ATF7IP: variants seen among roughly 807,000 people sequenced by gnomAD.
The protein encoded by ATF7IP is activating transcription factor 7 interacting protein.
ATF7IP carries 23 observed loss-of-function variants against 106.4 expected under a neutral mutation model. That is an observed-to-expected ratio of 0.22 (90% CI 0.16 to 0.31). ATF7IP has a LOEUF of 0.31. ATF7IP is among the 10% of genes least tolerant of loss of function. The probability of loss-of-function intolerance (pLI) is 1.00; values close to 1 mark genes in which losing one functional copy is unlikely to be tolerated. For synonymous variants in ATF7IP, 542 were observed against 539.0 expected (o/e 1.01, Z -0.08); for missense variants, 1,334 against 1,524.3 (o/e 0.88, Z 2.08).
At chr12:14,441,227 T>A (rs966386756) in intron 5 of ATF7IP, among the ~76,000 whole-genome samples, 2 of 152,344 alleles carry the variant, frequency 1.3e-5, no homozygotes, top group East Asian at 1.9e-4. Context: ...CTCCACATCC[T>A]CACCAATACT....
At chr12:14,468,644 G>A (rs1943925557) in intron 10 of ATF7IP, among the ~76,000 whole-genome samples, 1 of 152,202 alleles carries the variant, frequency 6.6e-6, no homozygotes, top group Admixed American at 6.5e-5. Context: ...CGTACAAGCA[G>A]TTTGAGCAGC....
chr12:14,436,109 A>G lies in ATF7IP; in HGVS notation c.1649A>G (p.Glu550Gly), dbSNP rs780294806. The change falls in exon 4 of 15, where the codon GAA becomes GGA. Residue 550 changes from glutamate to glycine, a missense_variant. By Grantham distance (98) the Glu-to-Gly change is moderately conservative. Coordinates refer to ENST00000261168, the MANE Select transcript of ATF7IP (RefSeq NM_018179.5). ...TCATTGTGGTTTTCCTTCTCAGATGAATTTTCTAGACGAAAACGTTCTAAA... is the reference window on the plus strand; with the variant it reads ...TCATTGTGGTTTTCCTTCTCAGATGGATTTTCTAGACGAAAACGTTCTAAA... ...EDDERPSEKN[E>G]FSRRKRSKSE... 1.2e-6 allele frequency: 2 copies of G among 1,612,594 alleles called. No homozygotes were observed. Among genetic ancestry groups the G allele is most frequent in the Non-Finnish European group, 1.7e-6 (2 of 1,179,268 alleles).
chr12:14,476,566 G>C (rs1032545317), intron 11 of ATF7IP: 1 of 151,944 alleles, frequency 6.6e-6, no homozygotes, highest in Non-Finnish European at 1.5e-5. Context: ...AAAAAATCCT[G>C]TAATACTCAT....
intron 1 of ATF7IP, among the ~76,000 whole-genome samples, chr12:14,400,034 T>C (rs904323081): frequency 1.3e-5 from 2 of 151,812 alleles, no homozygotes; most frequent in African/African-American, 4.8e-5. Context: ...CAAATGTGAC[T>C]GCTGCCCTGG....
At chr12:14,370,841 T>G (rs1269671501) in intron 1 of ATF7IP, among the ~76,000 whole-genome samples, 1 of 152,024 alleles carries the variant, frequency 6.6e-6, no homozygotes, top group East Asian at 1.9e-4. Context: ...GAAAAATAAG[T>G]CGCAAAATAA....
intron 9 of ATF7IP, among the ~76,000 whole-genome samples, chr12:14,463,833 A>G (rs574607192): frequency 6.6e-6 from 1 of 152,312 alleles, no homozygotes; most frequent in East Asian, 1.9e-4. Flanking sequence ...GTAATTAATA[A>G]AAGTTCAGAT....
chr12:14,479,910 TATA>T (rs1262490297), intron 12 of ATF7IP, among the ~76,000 whole-genome samples: 1 of 152,172 alleles, frequency 6.6e-6, no homozygotes, highest in African/African-American at 2.4e-5. Flanking sequence ...TATACAAAGT[TATA>T]ATGACAGTCA....
intron 1 of ATF7IP, among the ~76,000 whole-genome samples, chr12:14,389,658 G>A (rs995797147): frequency 2.6e-5 from 4 of 151,938 alleles, no homozygotes; most frequent in Admixed American, 6.6e-5. Context: ...ACGGAGTTTC[G>A]CTCTTGTTGC....
intron 6 of ATF7IP, among the ~76,000 whole-genome samples, chr12:14,452,567 G>A (rs1214035430): frequency 2.6e-5 from 4 of 152,204 alleles, no homozygotes; most frequent in African/African-American, 9.6e-5. Context: ...AGTTACAACT[G>A]TCTATGTTAA....
At chr12:14,481,335 C>A in intron 13 of ATF7IP, 150 bp downstream of exon 13, 1 of 673,658 alleles carries the variant, frequency 1.5e-6, no homozygotes, top group Non-Finnish European at 2.5e-6. Flanking sequence ...ATCTGTACTA[C>A]AACATAGAAA....
At chr12:14,440,416 T>A (rs560747438) in intron 5 of ATF7IP, among the ~76,000 whole-genome samples, 5 of 152,344 alleles carry the variant, frequency 3.3e-5, no homozygotes, top group African/African-American at 9.6e-5. Context: ...TTAAAATTTT[T>A]AAATTTTAAT....
chr12:14,436,643 G>A (rs1942411750), intron 4 of ATF7IP, among the ~76,000 whole-genome samples: 1 of 152,112 alleles, frequency 6.6e-6, no homozygotes. Flanking sequence ...AGTGAGCCGA[G>A]ATCATGCCAC....
chr12:14,410,177 C>T lies in ATF7IP; in HGVS notation c.-7-13732C>T, dbSNP rs111958627. On this transcript the variant is annotated intron_variant, in intron 1 of 14. Transcript: ENST00000261168. ...CTGGACATTTCATATACATTAGTCC[C>T]CCCTTCTCCACAGTTTTCGTTTTCT... Among the ~76,000 whole-genome samples, 778 of 152,222 alleles carry T rather than the reference C, an allele frequency of 5.1e-3. 3 individuals are homozygous for T. Among genetic ancestry groups the T allele is most frequent in the East Asian group, 0.015 (77 of 5,190 alleles).
At chr12:14,493,115 C>G (rs1023652592) in intron 13 of ATF7IP, among the ~76,000 whole-genome samples, 1 of 150,066 alleles carries the variant, frequency 6.7e-6, no homozygotes, top group Admixed American at 6.6e-5. Context: ...AAGCAAATAA[C>G]CTACTAGAAC....
At chr12:14,449,242 C>T (rs914136337) in intron 6 of ATF7IP, among the ~76,000 whole-genome samples, 1 of 152,048 alleles carries the variant, frequency 6.6e-6, no homozygotes, top group Admixed American at 6.5e-5. Context: ...GAAACTTTTT[C>T]CGTATGTTTT....
chr12:14,395,216 A>G (rs1939769599), intron 1 of ATF7IP: 1 of 152,140 alleles, frequency 6.6e-6, no homozygotes, highest in African/African-American at 2.4e-5. Flanking sequence ...GGTTTACAGA[A>G]GAGGAAGTCC....
At chr12:14,392,510 G>C (rs564051901) in intron 1 of ATF7IP, among the ~76,000 whole-genome samples, 6 of 152,340 alleles carry the variant, frequency 3.9e-5, no homozygotes, top group Middle Eastern at 3.4e-3. Flanking sequence ...CTCAACAAAT[G>C]TAACAGTTAT....
At chr12:14,370,319 T>A (rs1191753780) in intron 1 of ATF7IP, among the ~76,000 whole-genome samples, 1 of 152,112 alleles carries the variant, frequency 6.6e-6, no homozygotes, top group Non-Finnish European at 1.5e-5. Flanking sequence ...TAAACAGAGG[T>A]TGACAATGAC....
intron 5 of ATF7IP, among the ~76,000 whole-genome samples, chr12:14,444,221 T>A (rs575698008): frequency 1.3e-5 from 2 of 152,334 alleles, no homozygotes; most frequent in East Asian, 3.9e-4. Flanking sequence ...ATTTTACTTT[T>A]TCCTTTCAGC....
Sources: allele counts gnomAD v4.1 joint callset (sites outside exome capture counted in the v4.1 genomes callset), GRCh38; gene constraint gnomAD v4.1.1; transcripts MANE v1.5; gene names NCBI Gene and HGNC (gene_info 2026-07-23, HGNC 2026-07-21).